NCK1: variants seen among roughly 807,000 people sequenced by gnomAD.
NCK1 encodes the protein NCK adaptor protein 1, also known as SH2/SH3 adapter protein NCK1.
In NCK1, 19 loss-of-function variants were observed where a neutral mutation model predicts 36.6. The observed-to-expected ratio is 0.52, with a 90% confidence interval of 0.36 to 0.76. The LOEUF (loss-of-function observed/expected upper bound fraction) is 0.76, where lower values mean the gene tolerates loss of function less well. NCK1 is among the 30% of genes least tolerant of loss of function. The pLI, the probability that NCK1 is intolerant of heterozygous loss-of-function variation, is 0.00. For synonymous variants in NCK1, 165 were observed against 156.0 expected (o/e 1.06, Z -0.43); for missense variants, 358 against 445.6 (o/e 0.80, Z 1.77).
At chr3:136,863,279 A>G (rs1938300631) in intron 1 of NCK1, among the ~76,000 whole-genome samples, 1 of 152,198 alleles carries the variant, frequency 6.6e-6, no homozygotes, top group South Asian at 2.1e-4. Flanking sequence ...GTGTTGCCAA[A>G]AGGTACTCAT....
chr3:136,883,494 C>T (rs1938998914), intron 1 of NCK1, among the ~76,000 whole-genome samples: 1 of 152,088 alleles, frequency 6.6e-6, no homozygotes, highest in African/African-American at 2.4e-5. Context: ...TAGAGTAGCA[C>T]TCATATTCTC....
At chr3:136,905,571 TTA>T (rs1939662448) in intron 1 of NCK1, among the ~76,000 whole-genome samples, 1 of 152,102 alleles carries the variant, frequency 6.6e-6, no homozygotes, top group Admixed American at 6.6e-5. Context: ...CTCTTGTATC[TTA>T]CTGGGCTTCT....
chr3:136,895,950 A>T (rs1939381182), intron 1 of NCK1, among the ~76,000 whole-genome samples: 2 of 152,140 alleles, frequency 1.3e-5, no homozygotes, highest in South Asian at 4.1e-4. Context: ...GATTTTTGTC[A>T]TCTTGCTTTG....
At chr3:136,863,100 G>T (rs549201735) in intron 1 of NCK1, among the ~76,000 whole-genome samples, 9 of 152,210 alleles carry the variant, frequency 5.9e-5, no homozygotes, top group African/African-American at 2.2e-4. Flanking sequence ...GGACGTAACC[G>T]TAGGAACGCT....
At position 136,950,705 on chromosome 3, in the gene NCK1, G is replaced by T. The variant is rs190295853; in HGVS notation, c.*2252G>T. ...TTATTCCCAGCCTGGTGTCTGTATC[G>T]TGACACACTACTCTGTGTATGCTTG... On this transcript the variant is annotated 3_prime_UTR_variant, in exon 4 of 4. Transcript: ENST00000481752. Among the ~76,000 whole-genome samples, 1 of 152,076 alleles carries T rather than the reference G, an allele frequency of 6.6e-6. No individual in the cohort carries two copies. The highest frequency in any genetic ancestry group is 2.4e-5 in the African/African-American group (1 of 41,404).
At chr3:136,927,907 A>T in intron 1 of NCK1, 77 bp from the exon 2 acceptor site, 2 of 1,003,456 alleles carry the variant, frequency 2.0e-6, no homozygotes, top group Non-Finnish European at 3.0e-6. Context: ...TTAGATTTTT[A>T]GGTGTGTCTC....
chr3:136,917,620 C>T (rs1271488904), intron 1 of NCK1, among the ~76,000 whole-genome samples: 1 of 152,184 alleles, frequency 6.6e-6, no homozygotes, highest in African/African-American at 2.4e-5. Context: ...TTACACTTTT[C>T]CTGTCATGCC....
intron 2 of NCK1, among the ~76,000 whole-genome samples, chr3:136,944,940 T>C (rs911486360): frequency 2.6e-5 from 4 of 152,206 alleles, no homozygotes; most frequent in Non-Finnish European, 4.4e-5. Flanking sequence ...ACAAGATCCT[T>C]GGGATTCTAT....
chr3:136,925,292 C>CT (rs1328544427), intron 1 of NCK1, among the ~76,000 whole-genome samples: 1 of 151,930 alleles, frequency 6.6e-6, no homozygotes, highest in African/African-American at 2.4e-5. Flanking sequence ...CTTTTGAATA[C>CT]TTTTTGACTA....
chr3:136,883,041 C>T (rs1393589761), intron 1 of NCK1, among the ~76,000 whole-genome samples: 1 of 152,200 alleles, frequency 6.6e-6, no homozygotes, highest in Non-Finnish European at 1.5e-5. Context: ...GCCTCAGCCT[C>T]CCAAGTAGCT....
rs1940958619 is a variant in NCK1 at position 136,951,042 on chromosome 3, CAA to C, written c.*2591_*2592del. ...CACATGCACCTTGCACTATTAGTGA[CAA>C]ATAATACTGCTAAACAAAATAGGCT... On this transcript the variant is annotated 3_prime_UTR_variant, in exon 4 of 4. Coordinates refer to ENST00000481752, the MANE Select transcript of NCK1 (RefSeq NM_001291999.2). Among the ~76,000 whole-genome samples, 1 of 152,118 alleles carries C rather than the reference CAA, an allele frequency of 6.6e-6. No individual in the cohort carries two copies. The highest frequency in any genetic ancestry group is 2.1e-4 in the South Asian group (1 of 4,826).
chr3:136,882,854 C>T (rs1938980551), intron 1 of NCK1, among the ~76,000 whole-genome samples: 2 of 152,148 alleles, frequency 1.3e-5, no homozygotes, highest in South Asian at 4.1e-4. Context: ...AGAACACAGT[C>T]ATTAGTGAAT....
At chr3:136,912,314 C>G (rs887650546) in intron 1 of NCK1, among the ~76,000 whole-genome samples, 5 of 151,900 alleles carry the variant, frequency 3.3e-5, no homozygotes, top group Non-Finnish European at 1.5e-5. Flanking sequence ...AGGCACATGC[C>G]ACCACGCCTG....
chr3:136,916,203 A>G (rs774665218), intron 1 of NCK1, among the ~76,000 whole-genome samples: 11 of 152,206 alleles, frequency 7.2e-5, no homozygotes, highest in Non-Finnish European at 1.6e-4. Context: ...TCCAAACTGT[A>G]TCAAGGGCTA....
At chr3:136,871,682 T>C (rs941021249) in intron 1 of NCK1, among the ~76,000 whole-genome samples, 67 of 152,194 alleles carry the variant, frequency 4.4e-4, no homozygotes, top group African/African-American at 1.6e-3. Context: ...GGTTTGGCTG[T>C]GTCCCCACTC....
At chr3:136,943,714 C>G (rs548893518) in intron 2 of NCK1, among the ~76,000 whole-genome samples, 81 of 152,252 alleles carry the variant, frequency 5.3e-4, no homozygotes, top group African/African-American at 1.7e-3. Flanking sequence ...AATAAGATCT[C>G]GTTTTCTGCC....
chr3:136,909,322 T>TGA (rs1190305365), intron 1 of NCK1, among the ~76,000 whole-genome samples: 1 of 152,132 alleles, frequency 6.6e-6, no homozygotes, highest in African/African-American at 2.4e-5. Flanking sequence ...AGAAGTTTGC[T>TGA]GAGAGGGGAA....
chr3:136,899,851 TATC>T, intron 1 of NCK1: 2 of 1,446,242 alleles, frequency 1.4e-6, no homozygotes, highest in African/African-American at 1.4e-5. Flanking sequence ...TGGTAGAGCT[TATC>T]ATCTAAAGCC....
intron 1 of NCK1, among the ~76,000 whole-genome samples, chr3:136,880,000 A>AAAAAAAAAAG (rs1938883778): frequency 6.7e-6 from 1 of 149,782 alleles, no homozygotes; most frequent in Non-Finnish European, 1.5e-5. Context: ...AAAAAAAAAA[A>AAAAAAAAAAG]AAGGCTGGGC....
Sources: gnomAD v4.1 joint callset for allele counts (sites outside exome capture counted in the v4.1 genomes callset) on GRCh38, gnomAD v4.1.1 for gene constraint, MANE v1.5 for transcripts, NCBI Gene and HGNC (gene_info 2026-07-23, HGNC 2026-07-21) for gene names.